NFIB: variants seen among roughly 807,000 people sequenced by gnomAD.
NFIB encodes nuclear factor 1 B-type.
NFIB carries 11 observed loss-of-function variants against 61.5 expected under a neutral mutation model. The ratio of observed to expected loss-of-function variants is 0.18; its 90% CI spans 0.11 to 0.30. NFIB has a LOEUF of 0.30. Among genes scored for constraint, NFIB ranks in the 10% least tolerant of loss-of-function variants. NFIB has a pLI of 1.00. For synonymous variants in NFIB, 260 were observed against 216.5 expected (o/e 1.20, Z -1.76); for missense variants, 471 against 608.9 (o/e 0.77, Z 2.38).
the NFIB span, among the ~76,000 whole-genome samples, chr9:14,406,973 G>A: frequency 1.3e-5 from 2 of 152,174 alleles, no homozygotes; most frequent in Non-Finnish European, 2.9e-5. Flanking sequence ...ATCTGTTAAT[G>A]CAGAGATTGC....
At chr9:14,191,084 T>C (rs1439302719) in intron 2 of NFIB, among the ~76,000 whole-genome samples, 7 of 150,484 alleles carry the variant, frequency 4.7e-5, no homozygotes, top group Admixed American at 2.0e-4. Flanking sequence ...TCCCAGCTAC[T>C]TGGGAGGCTG....
chr9:14,445,141 G>T, the NFIB span, among the ~76,000 whole-genome samples: 675 of 152,204 alleles, frequency 4.4e-3, 9 homozygotes, highest in African/African-American at 0.016. Flanking sequence ...TGGTATATAG[G>T]AATGTAGTTG....
intron 4 of NFIB, among the ~76,000 whole-genome samples, chr9:14,155,283 G>A (rs1372659227): frequency 6.6e-6 from 1 of 152,188 alleles, no homozygotes; most frequent in Non-Finnish European, 1.5e-5. Flanking sequence ...TAAGAATGGT[G>A]TCTCAGGTGA....
At chr9:14,141,902 C>CAAAA (rs1207435536) in intron 6 of NFIB, among the ~76,000 whole-genome samples, 240 of 52,352 alleles carry the variant, frequency 4.6e-3, no homozygotes, top group East Asian at 6.6e-3. Context: ...CTGCTGCTCA[C>CAAAA]AAAAAAAAAA....
At chr9:14,113,832 G>C (rs577040504) in intron 9 of NFIB, among the ~76,000 whole-genome samples, 2 of 152,082 alleles carry the variant, frequency 1.3e-5, no homozygotes, top group East Asian at 3.9e-4. Flanking sequence ...CATTGTTATA[G>C]TCTCATTTGC....
chr9:14,222,482 T>C (rs916937291), intron 2 of NFIB, among the ~76,000 whole-genome samples: 2 of 152,214 alleles, frequency 1.3e-5, no homozygotes, highest in African/African-American at 2.4e-5. Context: ...CAGGTAAATC[T>C]GTCCCTTTAT....
chr9:14,516,447 C>T, the NFIB span, among the ~76,000 whole-genome samples: 2 of 152,026 alleles, frequency 1.3e-5, no homozygotes, highest in East Asian at 1.9e-4. Context: ...CCATAAGGAA[C>T]GAAATTGTGT....
chr9:14,481,217 A>G, the NFIB span, among the ~76,000 whole-genome samples: 1,318 of 102,626 alleles, frequency 0.013, 197 homozygotes, highest in African/African-American at 0.04. Context: ...ATATATATAT[A>G]TATATATATA....
chr9:14,441,698 G>A, the NFIB span, among the ~76,000 whole-genome samples: 1 of 151,900 alleles, frequency 6.6e-6, no homozygotes, highest in East Asian at 1.9e-4. Flanking sequence ...CTCAGGAGAG[G>A]GCCTCCTCCA....
chr9:14,215,564 A>C (rs2050769135), intron 2 of NFIB, among the ~76,000 whole-genome samples: 1 of 152,212 alleles, frequency 6.6e-6, no homozygotes, highest in African/African-American at 2.4e-5. Context: ...ATGTCATCAA[A>C]AAGTCATTTA....
At chr9:14,172,274 T>G (rs1342658214) in intron 3 of NFIB, among the ~76,000 whole-genome samples, 1 of 152,084 alleles carries the variant, frequency 6.6e-6, no homozygotes, top group Admixed American at 6.6e-5. Flanking sequence ...TTTGTCCAAA[T>G]GAGGAACAAA....
At chr9:14,285,929 G>A (rs528567576) in intron 2 of NFIB, among the ~76,000 whole-genome samples, 4 of 152,260 alleles carry the variant, frequency 2.6e-5, no homozygotes, top group African/African-American at 9.6e-5. Context: ...AACACTTGCT[G>A]AAAGTTATAC....
rs374304927 is a variant in NFIB at position 14,307,537 on chromosome 9, G to C, written c.31-17C>G. On this transcript the variant is annotated splice_polypyrimidine_tract_variant and intron_variant, in intron 1 of 10. Transcript: ENST00000380953. The surrounding 1 kb of genome is among the most constrained non-coding windows in gnomAD (Gnocchi z 5.3). Reference sequence around the variant, plus strand: ...AAATTCATCCTGTGGAAGACAGAGGGGTGAGGAAAAGATGTGCATAGTCAG... The same window carrying C: ...AAATTCATCCTGTGGAAGACAGAGGCGTGAGGAAAAGATGTGCATAGTCAG... The C allele has an allele frequency of 3.2e-6, 5 of 1,564,206 alleles. No individual in the cohort carries two copies. The African/African-American group carries it at 5.5e-5, about 17-fold the overall frequency.
rs570860180 is a variant in NFIB at position 14,208,246 on chromosome 9, A to G, written c.563-28466T>C. On this transcript the variant is annotated intron_variant, in intron 2 of 10. Coordinates refer to ENST00000380953, the MANE Select transcript of NFIB (RefSeq NM_001190737.2). The stretch of plus-strand genomic sequence containing the variant: ...AAAGCAATACGTGGTGTTAAAAAAA[A>G]GACTAAGAGAGTAAATCGATACGTG... Among the ~76,000 whole-genome samples the G allele has an allele frequency of 3.9e-5, 6 of 152,334 alleles. No individual in the cohort carries two copies. In the East Asian group the frequency reaches 1.2e-3, roughly 29 times the overall value.
intron 6 of NFIB, among the ~76,000 whole-genome samples, chr9:14,131,299 C>A (rs1464114652): frequency 6.6e-6 from 1 of 152,132 alleles, no homozygotes; most frequent in Non-Finnish European, 1.5e-5. Flanking sequence ...TCTTAAGCAT[C>A]CCTTTAAATA....
At chr9:14,526,079 G>A in the NFIB span, among the ~76,000 whole-genome samples, 2 of 152,130 alleles carry the variant, frequency 1.3e-5, no homozygotes, top group Non-Finnish European at 2.9e-5. Flanking sequence ...CGTGAGAGGA[G>A]CAAATTCATT....
chr9:14,437,106 CTG>C, the NFIB span, among the ~76,000 whole-genome samples: 3 of 152,194 alleles, frequency 2.0e-5, no homozygotes, highest in African/African-American at 4.8e-5. Flanking sequence ...CTTGACCTCT[CTG>C]TGTCTCTATT....
At chr9:14,112,101 A>C (rs376699194) in intron 10 of NFIB, among the ~76,000 whole-genome samples, 7 of 152,222 alleles carry the variant, frequency 4.6e-5, no homozygotes, top group Admixed American at 3.3e-4. Flanking sequence ...AGTTAACACC[A>C]GCTCTTTATT....
chr9:14,166,739 G>A (rs1257350798), intron 3 of NFIB, among the ~76,000 whole-genome samples: 1 of 151,988 alleles, frequency 6.6e-6, no homozygotes, highest in Non-Finnish European at 1.5e-5. Flanking sequence ...CTTAACCTCT[G>A]TGTTTCCTCT....
Sources: gnomAD v4.1 joint callset for allele counts (sites outside exome capture counted in the v4.1 genomes callset) on GRCh38, gnomAD v4.1.1 for gene constraint, Gnocchi (gnomAD v3.1) non-coding constraint, MANE v1.5 for transcripts, NCBI Gene and HGNC (gene_info 2026-07-23, HGNC 2026-07-21) for gene names.